Variants in USP49 observed in about 807,000 individuals in gnomAD.
The protein encoded by USP49 is ubiquitin specific peptidase 49, also known as ubiquitin carboxyl-terminal hydrolase 49.
A neutral mutation model predicts 58.6 loss-of-function variants in USP49; 24 were observed. The observed-to-expected ratio is 0.41, with a 90% confidence interval of 0.30 to 0.58. The LOEUF (loss-of-function observed/expected upper bound fraction) is 0.58, where lower values mean the gene tolerates loss of function less well. Ranked by LOEUF, USP49 falls within the 20% of genes least tolerant of loss-of-function variation. The pLI is 0.30. For synonymous variants in USP49, 408 were observed against 365.1 expected (o/e 1.12, Z -1.34); for missense variants, 703 against 866.1 (o/e 0.81, Z 2.36).
At chr6:41,866,273 C>A (rs1774318112) in intron 3 of USP49, among the ~76,000 whole-genome samples, 1 of 152,052 alleles carries the variant, frequency 6.6e-6, no homozygotes, top group African/African-American at 2.4e-5. Flanking sequence ...GCCACTCTAT[C>A]CTCAGCACTC....
chr6:41,821,274 TC>T (rs1381074957), intron 3 of USP49, among the ~76,000 whole-genome samples: 2 of 152,200 alleles, frequency 1.3e-5, no homozygotes, highest in Non-Finnish European at 2.9e-5. Context: ...AGCCTTTCTG[TC>T]TGGGCCTCAA....
rs1773036107 is a variant in USP49, at chr6:41,802,475, ATTTATT to A, written c.1561+1325_1561+1330del. ...TTATTTATTTATTTATTTATTTTTTATTTATTTTTTTTTTTTGAGACAGCATCTCGC... is the reference window on the plus strand; with the variant it reads ...TTATTTATTTATTTATTTATTTTTTATTTTTTTTTTGAGACAGCATCTCGC... On this transcript the variant is annotated intron_variant, in intron 5 of 7. Coordinates refer to ENST00000682992, the MANE Select transcript of USP49 (RefSeq NM_001286554.2). Among the ~76,000 whole-genome samples the A allele has an allele frequency of 1.2e-4, 8 of 66,608 alleles. 1 individual carries two copies. Among genetic ancestry groups the A allele is most frequent in the African/African-American group, 5.8e-4 (8 of 13,838 alleles). 43.7% of individuals were successfully genotyped at this position (66,608 alleles called of 152,430 possible).
chr6:41,822,798 G>A (rs931581502), intron 3 of USP49, among the ~76,000 whole-genome samples: 2 of 148,670 alleles, frequency 1.3e-5, no homozygotes, highest in East Asian at 2.0e-4. Flanking sequence ...CAAGCCTGGC[G>A]ACAGAGTGAG....
In USP49 at chr6:41,794,227, TGTTA is replaced by T. The variant is rs1772848649; in HGVS notation, c.*2302_*2305del. On this transcript the variant is annotated 3_prime_UTR_variant, in exon 8 of 8. Coordinates refer to ENST00000682992, the MANE Select transcript of USP49 (RefSeq NM_001286554.2). Reference sequence around the variant, plus strand: ...ATGTGTAGCTCAGTGGAGACTCTGATGTTAGTTTCTTTTATTACTTTGATATATG... The same window carrying T: ...ATGTGTAGCTCAGTGGAGACTCTGATGTTTCTTTTATTACTTTGATATATG... The T allele has an allele frequency of 6.6e-6, 1 of 152,322 alleles. No homozygotes were observed. Among genetic ancestry groups the T allele is most frequent in the Non-Finnish European group, 1.5e-5 (1 of 68,038 alleles). 9.4% of individuals were successfully genotyped at this position (152,322 alleles called of 1,614,324 possible).
chr6:41,869,907 A>G (rs1242738406), intron 3 of USP49, among the ~76,000 whole-genome samples: 1 of 152,188 alleles, frequency 6.6e-6, no homozygotes, highest in East Asian at 1.9e-4. Context: ...AACTATAAAC[A>G]TCATATACAC....
At chr6:41,802,444 A>ATTT (rs1773025624) in intron 5 of USP49, among the ~76,000 whole-genome samples, 1 of 50,736 alleles carries the variant, frequency 2.0e-5, no homozygotes, top group Admixed American at 2.6e-4. Flanking sequence ...TTATTTATTT[A>ATTT]TTTATTTATT....
At chr6:41,890,167 C>A (rs1774786752) in intron 2 of USP49, among the ~76,000 whole-genome samples, 1 of 152,052 alleles carries the variant, frequency 6.6e-6, no homozygotes, top group Non-Finnish European at 1.5e-5. Flanking sequence ...CACTTGAGGT[C>A]AGGAGTTCGA....
chr6:41,833,237 C>T (rs1465925858), intron 3 of USP49, among the ~76,000 whole-genome samples: 2 of 151,382 alleles, frequency 1.3e-5, no homozygotes, highest in African/African-American at 2.4e-5. Context: ...AGGATGGTCT[C>T]GATCTCCTGA....
chr6:41,827,650 G>A (rs911881694), intron 3 of USP49, among the ~76,000 whole-genome samples: 5 of 142,410 alleles, frequency 3.5e-5, no homozygotes, highest in East Asian at 2.0e-4. Flanking sequence ...ATAGAGCAAG[G>A]GGCAATACAG....
chr6:41,865,026 A>AT (rs571443031), intron 3 of USP49, among the ~76,000 whole-genome samples: 12 of 151,844 alleles, frequency 7.9e-5, no homozygotes, highest in African/African-American at 1.4e-4. Context: ...TTGGTATCTC[A>AT]TTTTTTTTAT....
chr6:41,806,246 C>A lies in USP49; in HGVS notation c.738G>T (p.Pro246=). ...PAATLKLRRQ[P]AMAPGVTGLR... ...GGCCCGTGACGCCTGGGGCCATGGC[C>A]GGCTGGCGACGCAGCTTGAGTGTGG... is the stretch of plus-strand genomic sequence containing the variant. Residue 246 remains proline (P), a synonymous_variant, in exon 4 of 8, where the codon CCG becomes CCT. Transcript: ENST00000682992. This position sits in a 1 kb window ranked among gnomAD's most constrained non-coding sequence, Gnocchi z 5.9. 1 of 1,608,902 alleles carries A rather than the reference C, an allele frequency of 6.2e-7. No individual in the cohort carries two copies. The highest frequency in any genetic ancestry group is 8.5e-7 in the Non-Finnish European group (1 of 1,179,920).
chr6:41,802,474 T>TA (rs1773035754), intron 5 of USP49, among the ~76,000 whole-genome samples: 1 of 89,718 alleles, frequency 1.1e-5, no homozygotes, highest in African/African-American at 5.5e-5. Context: ...ATTTATTTTT[T>TA]ATTTATTTTT....
chr6:41,880,062 G>A (rs9381097), intron 2 of USP49, among the ~76,000 whole-genome samples: 29,725 of 152,014 alleles, frequency 0.2, 3,306 homozygotes, highest in East Asian at 0.29. Context: ...TTTACAGAAA[G>A]CTGAGGAAAG....
At chr6:41,821,771 T>C (rs149538635) in intron 3 of USP49, among the ~76,000 whole-genome samples, 1 of 152,302 alleles carries the variant, frequency 6.6e-6, no homozygotes, top group East Asian at 1.9e-4. Context: ...TGCTCCTTCC[T>C]CATGGACTCC....
intron 2 of USP49, among the ~76,000 whole-genome samples, chr6:41,889,974 C>T (rs973433816): frequency 6.6e-6 from 1 of 152,126 alleles, no homozygotes; most frequent in Non-Finnish European, 1.5e-5. Context: ...TCAAGAGTCA[C>T]CAAAAAATAG....
At chr6:41,819,941 G>A (rs1360603002) in intron 3 of USP49, among the ~76,000 whole-genome samples, 1 of 152,152 alleles carries the variant, frequency 6.6e-6, no homozygotes, top group East Asian at 1.9e-4. Context: ...AAATCGAAAT[G>A]TGGCAAATGC....
At chr6:41,888,350 C>T (rs1774752970) in intron 2 of USP49, among the ~76,000 whole-genome samples, 1 of 151,974 alleles carries the variant, frequency 6.6e-6, no homozygotes. Flanking sequence ...GCCACTGTGC[C>T]TGGCCTACAA....
Position 41,792,483 on chromosome 6 carries a change from G to A in USP49, c.*4050C>T, listed in dbSNP as rs1241020172. 1 of 152,052 alleles carries A rather than the reference G, an allele frequency of 6.6e-6. No homozygotes were observed. Among genetic ancestry groups the A allele is most frequent in the Non-Finnish European group, 1.5e-5 (1 of 68,028 alleles). The allele number at this position is 152,052 out of a possible 1,614,324, so 9.4% of individuals were successfully genotyped here. On this transcript the variant is annotated 3_prime_UTR_variant, in exon 8 of 8. Transcript: ENST00000682992. ...GAAAGCAACCCTTCCACTCACAAGA[G>A]GTAACCTCAGATAGGGATATAGTAT... is the stretch of plus-strand genomic sequence containing the variant.
chr6:41,846,844 G>A (rs1039779463), intron 3 of USP49, among the ~76,000 whole-genome samples: 1 of 152,188 alleles, frequency 6.6e-6, no homozygotes, highest in African/African-American at 2.4e-5. Flanking sequence ...TGGCTTGTCT[G>A]GGGCTTCCTG....
Sources: allele counts gnomAD v4.1 joint callset (sites outside exome capture counted in the v4.1 genomes callset), GRCh38; gene constraint gnomAD v4.1.1; non-coding constraint Gnocchi (gnomAD v3.1); transcripts MANE v1.5; gene names NCBI Gene and HGNC (gene_info 2026-07-23, HGNC 2026-07-21).